Variants in RYR3 observed in about 807,000 individuals in gnomAD.
RYR3 encodes ryanodine receptor 3.
A neutral mutation model predicts 584.3 loss-of-function variants in RYR3; 207 were observed. The ratio of observed to expected loss-of-function variants is 0.35; its 90% CI spans 0.32 to 0.40. The LOEUF (loss-of-function observed/expected upper bound fraction) is 0.40, where lower values mean the gene tolerates loss of function less well. Among genes scored for constraint, RYR3 ranks in the 10% least tolerant of loss-of-function variants. RYR3 has a pLI of 1.00. For synonymous variants in RYR3, 2,416 were observed against 2,248.5 expected (o/e 1.07, Z -2.11); for missense variants, 5,616 against 6,089.2 (o/e 0.92, Z 2.59).
At chr15:33,559,768 T>A (rs563158152) in intron 10 of RYR3, among the ~76,000 whole-genome samples, 1 of 152,254 alleles carries the variant, frequency 6.6e-6, no homozygotes, top group South Asian at 2.1e-4. Flanking sequence ...AAGGGCAGTC[T>A]CTCTCCAGCC....
At chr15:33,489,945 T>A (rs976887691) in intron 2 of RYR3, among the ~76,000 whole-genome samples, 1 of 152,188 alleles carries the variant, frequency 6.6e-6, no homozygotes, top group Non-Finnish European at 1.5e-5. Flanking sequence ...TCCTTAAAGT[T>A]TCATTCTTTT....
intron 2 of RYR3, among the ~76,000 whole-genome samples, chr15:33,503,186 C>T (rs540125146): frequency 3.2e-4 from 49 of 152,250 alleles, no homozygotes; most frequent in African/African-American, 1.0e-3. Context: ...GTTTTCTTAA[C>T]AAATAAATGG....
chr15:33,807,892 C>G, intron 70 of RYR3: 1 of 379,996 alleles, frequency 2.6e-6, no homozygotes, highest in East Asian at 4.7e-5. Context: ...GCTTGAGAAC[C>G]CAGGGGACTA....
At chr15:33,515,474 T>A (rs2053428298) in intron 3 of RYR3, among the ~76,000 whole-genome samples, 1 of 152,256 alleles carries the variant, frequency 6.6e-6, no homozygotes, top group Admixed American at 6.5e-5. Context: ...CTCAATAATA[T>A]AGTCTCTACC....
chr15:33,853,589 A>T lies in RYR3; in HGVS notation c.13706A>T (p.Glu4569Val). The T allele has an allele frequency of 6.2e-7, 1 of 1,614,018 alleles. No individual in the cohort carries two copies. Among genetic ancestry groups the T allele is most frequent in the Non-Finnish European group, 8.5e-7 (1 of 1,179,876 alleles). Residue 4569 changes from glutamate (E) to valine (V), a missense_variant, in exon 96 of 104, where the codon GAA becomes GTA. Physicochemically the swap from Glu to Val is moderately radical, Grantham distance 121. This residue lies in a region of RYR3 where 918 missense variants were observed against 887.4 expected (regional missense o/e 1.03). Coordinates refer to ENST00000634891, the MANE Select transcript of RYR3 (RefSeq NM_001036.6). ...INKYGDLYGA[E>V]RIAELLGLDK... is the part of the protein sequence containing the mutation. ...AAGTATGGAGATCTCTACGGAGCAG[A>T]ACGCATTGCTGAACTTCTGGGTTTG...
intron 38 of RYR3, among the ~76,000 whole-genome samples, chr15:33,672,505 G>T (rs1179394934): frequency 6.6e-6 from 1 of 152,152 alleles, no homozygotes; most frequent in African/African-American, 2.4e-5. Flanking sequence ...GAGGTGATCA[G>T]GCATGTTTGG....
intron 16 of RYR3, among the ~76,000 whole-genome samples, chr15:33,596,416 T>A (rs1159676024): frequency 1.3e-5 from 2 of 150,704 alleles, no homozygotes; most frequent in African/African-American, 4.9e-5. Flanking sequence ...TATTTAAAGT[T>A]ATAAAACTGC....
At chr15:33,604,596 G>A (rs1239268010) in intron 18 of RYR3, among the ~76,000 whole-genome samples, 1 of 152,202 alleles carries the variant, frequency 6.6e-6, no homozygotes, top group Non-Finnish European at 1.5e-5. Flanking sequence ...TGTCCCAGAG[G>A]ACAATGTGGT....
At chr15:33,435,185 G>A (rs1596121630) in intron 1 of RYR3, among the ~76,000 whole-genome samples, 1 of 152,008 alleles carries the variant, frequency 6.6e-6, no homozygotes, top group South Asian at 2.1e-4. Flanking sequence ...GTATCACTAG[G>A]GCTTGTTGTA....
intron 2 of RYR3, among the ~76,000 whole-genome samples, chr15:33,484,566 T>C (rs1347414600): frequency 1.3e-5 from 2 of 152,162 alleles, no homozygotes; most frequent in African/African-American, 4.8e-5. Flanking sequence ...CTTGTGATCA[T>C]TGTATAGATT....
At chr15:33,330,885 G>A (rs535121860) in intron 1 of RYR3, among the ~76,000 whole-genome samples, 68 of 152,220 alleles carry the variant, frequency 4.5e-4, no homozygotes, top group African/African-American at 1.3e-3. Flanking sequence ...CACCCATTTA[G>A]CATTTGTGTT....
rs774972479 is a variant in RYR3 at position 33,859,640 on chromosome 15, C to G, written c.14208C>G (p.Asp4736Glu). 2 of 1,613,954 alleles carry G rather than the reference C, an allele frequency of 1.2e-6. No individual in the cohort carries two copies. The highest frequency in any genetic ancestry group is 1.7e-6 in the Non-Finnish European group (2 of 1,179,852). ...GTGGCATTGGTGATGAAATTGAAGA[C>G]CCTGCTGGTGATCCTTATGAAATGT... ...AGGGIGDEIEDPAGDPYEMYR... is the reference protein window; with the variant it reads ...AGGGIGDEIEEPAGDPYEMYR... Residue 4736 changes from aspartate to glutamate, a missense_variant, in exon 100 of 104, where the codon GAC (aspartate) becomes GAG (glutamate). Around this residue, in one of 9 missense-constraint regions of RYR3, gnomAD observed 918 missense variants for 887.4 expected, o/e 1.03. Coordinates refer to ENST00000634891, the MANE Select transcript of RYR3 (RefSeq NM_001036.6).
chr15:33,488,706 G>T (rs958774010), intron 2 of RYR3, among the ~76,000 whole-genome samples: 3 of 152,026 alleles, frequency 2.0e-5, no homozygotes, highest in South Asian at 2.1e-4. Context: ...CAAAAAATTA[G>T]CCAGGCATGG....
At position 33,857,838 on chromosome 15, in the gene RYR3, T is replaced by G. The variant is rs1228927715; in HGVS notation, c.14066T>G (p.Phe4689Cys). 1 of 1,614,238 alleles carries G rather than the reference T, an allele frequency of 6.2e-7. No individual in the cohort carries two copies. Among genetic ancestry groups the G allele is most frequent in the Non-Finnish European group, 8.5e-7 (1 of 1,180,032 alleles). Residue 4689 changes from phenylalanine (F) to cysteine (C), a missense_variant, in exon 99 of 104, where the codon TTC (phenylalanine) becomes TGC (cysteine). This residue lies in a region of RYR3 where 918 missense variants were observed against 887.4 expected (regional missense o/e 1.03). Transcript: ENST00000634891. ...GTTTATCTCTATACTGTGGTGGCTT[T>G]CAACTTCTTCCGCAAGTTCTACAAC... The part of the protein sequence containing the change: ...VVVYLYTVVA[F>C]NFFRKFYNKS...
intron 10 of RYR3, among the ~76,000 whole-genome samples, chr15:33,551,510 C>T (rs372249151): frequency 4.4e-4 from 67 of 152,266 alleles, no homozygotes; most frequent in Admixed American, 4.1e-3. Flanking sequence ...TCATTTTGTG[C>T]TCCTGTGGTC....
chr15:33,622,452 C>G (rs2060775155), intron 19 of RYR3, among the ~76,000 whole-genome samples: 1 of 152,206 alleles, frequency 6.6e-6, no homozygotes, highest in African/African-American at 2.4e-5. Context: ...TCTCTAGCAG[C>G]CAACCCCTTA....
chr15:33,362,347 G>T (rs1974883765), intron 1 of RYR3, among the ~76,000 whole-genome samples: 1 of 152,066 alleles, frequency 6.6e-6, no homozygotes. Flanking sequence ...TGTGTGTAAA[G>T]CGTGTAGAAT....
intron 38 of RYR3, among the ~76,000 whole-genome samples, chr15:33,689,311 GTA>G (rs2065254348): frequency 6.6e-6 from 1 of 151,936 alleles, no homozygotes; most frequent in African/African-American, 2.4e-5. Flanking sequence ...CATGGCACAT[GTA>G]TACCTATGTA....
At chr15:33,437,415 A>G (rs1425667923) in intron 1 of RYR3, among the ~76,000 whole-genome samples, 1 of 152,262 alleles carries the variant, frequency 6.6e-6, no homozygotes, top group African/African-American at 2.4e-5. Flanking sequence ...GGAGAAGTAT[A>G]AAGGTCAAAG....
Sources: allele counts gnomAD v4.1 joint callset (sites outside exome capture counted in the v4.1 genomes callset), GRCh38; gene constraint gnomAD v4.1.1; regional missense constraint gnomAD v4.1.1; transcripts MANE v1.5; gene names NCBI Gene and HGNC (gene_info 2026-07-23, HGNC 2026-07-21).